INPP4B: variants seen among roughly 807,000 people sequenced by gnomAD.
INPP4B encodes inositol polyphosphate-4-phosphatase type II B, also known as inositol polyphosphate 4-phosphatase type II.
Under a neutral mutation model 122.5 loss-of-function variants are expected in INPP4B, and 55 were observed. That is an observed-to-expected ratio of 0.45 (90% CI 0.36 to 0.56). INPP4B has a LOEUF of 0.56. INPP4B is among the 20% of genes least tolerant of loss of function. The pLI is 0.00. For missense variants in INPP4B, 1,000 were observed against 1,097.7 expected (o/e 0.91, Z 1.26); for synonymous variants, 403 against 388.7 (o/e 1.04, Z -0.43).
At chr4:142,201,960 G>A (rs1232026151) in intron 14 of INPP4B, among the ~76,000 whole-genome samples, 3 of 151,910 alleles carry the variant, frequency 2.0e-5, no homozygotes, top group Non-Finnish European at 4.4e-5. Context: ...TTGTTATCAA[G>A]AGACAATTAG....
intron 2 of INPP4B, among the ~76,000 whole-genome samples, chr4:142,610,587 CAG>C (rs1313462422): frequency 3.3e-5 from 5 of 152,094 alleles, no homozygotes; most frequent in Admixed American, 2.0e-4. Context: ...AAAATTTAGA[CAG>C]AGTGTTCCCT....
At chr4:142,403,747 CTAAT>C (rs1223199292) in intron 6 of INPP4B, among the ~76,000 whole-genome samples, 1 of 152,264 alleles carries the variant, frequency 6.6e-6, no homozygotes, top group African/African-American at 2.4e-5. Flanking sequence ...GTTCTATAAA[CTAAT>C]TGTCTATGGA....
intron 12 of INPP4B, among the ~76,000 whole-genome samples, chr4:142,213,292 T>C (rs1403638600): frequency 6.6e-6 from 1 of 152,172 alleles, no homozygotes; most frequent in African/African-American, 2.4e-5. Context: ...GTCTCTATCG[T>C]ACCCCGGAGG....
intron 2 of INPP4B, among the ~76,000 whole-genome samples, chr4:142,553,069 T>G (rs1230807781): frequency 6.6e-6 from 1 of 152,186 alleles, no homozygotes; most frequent in Non-Finnish European, 1.5e-5. Flanking sequence ...TATCTTCCCT[T>G]GGTTTTTAAG....
At chr4:142,825,997 T>G (rs1421250253) in intron 1 of INPP4B, among the ~76,000 whole-genome samples, 2 of 152,180 alleles carry the variant, frequency 1.3e-5, no homozygotes, top group Non-Finnish European at 2.9e-5. Context: ...ACATGTTCCT[T>G]TGTTTATATG....
intron 9 of INPP4B, among the ~76,000 whole-genome samples, chr4:142,276,988 A>G (rs1323221206): frequency 1.3e-5 from 2 of 151,894 alleles, no homozygotes; most frequent in Non-Finnish European, 1.5e-5. Flanking sequence ...ATGTCGTCAG[A>G]TTTCCAAAAT....
At chr4:142,432,307 C>T (rs927291139) in intron 3 of INPP4B, among the ~76,000 whole-genome samples, 2 of 152,022 alleles carry the variant, frequency 1.3e-5, no homozygotes, top group Non-Finnish European at 2.9e-5. Flanking sequence ...TCTCAAACTT[C>T]ACAAACCAAC....
intron 7 of INPP4B, among the ~76,000 whole-genome samples, chr4:142,350,503 C>T (rs1781623393): frequency 6.6e-6 from 1 of 151,956 alleles, no homozygotes; most frequent in Admixed American, 6.6e-5. Context: ...ATTTCCCCTT[C>T]CCCTAGGTTT....
chr4:142,337,819 TTA>T (rs1200338946), intron 7 of INPP4B, among the ~76,000 whole-genome samples: 1 of 145,474 alleles, frequency 6.9e-6, no homozygotes, highest in Non-Finnish European at 1.5e-5. Flanking sequence ...TCTTTGCAAT[TTA>T]TATGTGTTGC....
At position 142,586,292 on chromosome 4, in the gene INPP4B, C is replaced by T. The variant is rs1037054451; in HGVS notation, c.-190-123566G>A. Reference sequence around the variant, plus strand: ...GCTCACCACTGCACTCCAGCCTGGTCGACAGAGCTAGACCCTGTCTCAAAA... The same window carrying T: ...GCTCACCACTGCACTCCAGCCTGGTTGACAGAGCTAGACCCTGTCTCAAAA... On this transcript the variant is annotated intron_variant, in intron 2 of 25. Transcript: ENST00000262992. Among the ~76,000 whole-genome samples, 4 of 148,114 alleles carry T rather than the reference C, an allele frequency of 2.7e-5. No homozygotes were observed. The South Asian group carries it at 8.9e-4, about 33-fold the overall frequency.
At chr4:142,800,055 A>G (rs1289921183) in intron 1 of INPP4B, among the ~76,000 whole-genome samples, 3 of 152,092 alleles carry the variant, frequency 2.0e-5, no homozygotes, top group African/African-American at 7.2e-5. Context: ...ATCATTCTGA[A>G]TGCAATAATT....
chr4:142,535,181 G>C (rs756485675), intron 2 of INPP4B, among the ~76,000 whole-genome samples: 3 of 152,152 alleles, frequency 2.0e-5, no homozygotes, highest in Non-Finnish European at 4.4e-5. Context: ...AAAAGTCCCT[G>C]AGCATCTAGA....
intron 1 of INPP4B, among the ~76,000 whole-genome samples, chr4:142,762,239 G>A (rs230882): frequency 0.017 from 2,511 of 152,146 alleles, 79 homozygotes; most frequent in African/African-American, 0.056. Flanking sequence ...AGGGCTCATG[G>A]AAACACTGGT....
chr4:142,830,046 T>C (rs1465581274), intron 1 of INPP4B, among the ~76,000 whole-genome samples: 2 of 152,162 alleles, frequency 1.3e-5, no homozygotes, highest in Non-Finnish European at 2.9e-5. Flanking sequence ...TAAGCTCTAT[T>C]GAAAGACACT....
intron 8 of INPP4B, among the ~76,000 whole-genome samples, chr4:142,312,685 C>T (rs1765967554): frequency 6.6e-6 from 1 of 152,106 alleles, no homozygotes; most frequent in Non-Finnish European, 1.5e-5. Context: ...GAGTCATGTG[C>T]TTGAATGGTA....
At chr4:142,828,700 C>A (rs1781741168) in intron 1 of INPP4B, among the ~76,000 whole-genome samples, 1 of 152,102 alleles carries the variant, frequency 6.6e-6, no homozygotes, top group Non-Finnish European at 1.5e-5. Context: ...ATAGCAGAAA[C>A]AACCAACAGT....
At chr4:142,386,712 A>C (rs568163406) in intron 7 of INPP4B, among the ~76,000 whole-genome samples, 1 of 152,250 alleles carries the variant, frequency 6.6e-6, no homozygotes, top group South Asian at 2.1e-4. Flanking sequence ...TTTTTCCACT[A>C]TGTGGCTCCA....
chr4:142,464,333 T>A lies in INPP4B; in HGVS notation c.-190-1607A>T, dbSNP rs185259785. On this transcript the variant is annotated intron_variant, in intron 2 of 25. Transcript: ENST00000262992. Reference sequence around the variant, plus strand: ...TTGGTCAAAAGATGTAGTAACTCATTGGATTAAAGTTGTTCTTTAACCATT... The same window carrying A: ...TTGGTCAAAAGATGTAGTAACTCATAGGATTAAAGTTGTTCTTTAACCATT... 2.3e-4 allele frequency among the ~76,000 whole-genome samples: 35 copies of A among 152,270 alleles called. No homozygotes were observed. The East Asian group carries it at 6.0e-3, about 26-fold the overall frequency.
At chr4:142,149,367 G>C (rs997841810) in intron 17 of INPP4B, among the ~76,000 whole-genome samples, 2 of 152,096 alleles carry the variant, frequency 1.3e-5, no homozygotes, top group African/African-American at 4.8e-5. Flanking sequence ...ACCAGATAAG[G>C]TTACTGTTAT....
Sources: gnomAD v4.1 joint callset for allele counts (sites outside exome capture counted in the v4.1 genomes callset) on GRCh38, gnomAD v4.1.1 for gene constraint, MANE v1.5 for transcripts, NCBI Gene and HGNC (gene_info 2026-07-23, HGNC 2026-07-21) for gene names.